Variants in FGF14 observed in about 807,000 individuals in gnomAD.
FGF14 encodes fibroblast growth factor homologous factor 4.
Under a neutral mutation model 25.5 loss-of-function variants are expected in FGF14, and 5 were observed. The observed-to-expected ratio is 0.20, with a 90% CI of 0.10 to 0.41. The LOEUF (loss-of-function observed/expected upper bound fraction) is 0.41. Among genes scored for constraint, FGF14 ranks in the 10% least tolerant of loss-of-function variants. FGF14 has a pLI of 1.00. For synonymous variants in FGF14, 138 were observed against 118.3 expected, an observed-to-expected ratio of 1.17 and a Z score of -1.08; for missense variants, 222 against 320.1, an observed-to-expected ratio of 0.69 and a Z score of 2.34.
intron 3 of FGF14, among the ~76,000 whole-genome samples, chr13:101,849,287 TA>T (rs2043624921): frequency 6.6e-6 from 1 of 152,050 alleles, no homozygotes; most frequent in Non-Finnish European, 1.5e-5. Context: ...AAAATCACCG[TA>T]AGCGACCGGA....
rs567974126 is a variant in FGF14, at chr13:102,009,305, G to A, written c.209-134009C>T. ...GGGTGGATGGATGGATGGATAAATC[G>A]GTAATAGATATTTACAATATAATAT... On this transcript the variant is annotated intron_variant, in intron 1 of 4. Coordinates refer to the FGF14 transcript ENST00000376131. Among the ~76,000 whole-genome samples, 439 of 152,040 alleles carry A rather than the reference G, an allele frequency of 2.9e-3. 5 individuals carry two copies. Among genetic ancestry groups the A allele is most frequent in the African/African-American group, 9.9e-3 (411 of 41,502 alleles).
intron 3 of FGF14, among the ~76,000 whole-genome samples, chr13:101,859,321 A>C (rs2044288917): frequency 6.6e-6 from 1 of 152,180 alleles, no homozygotes; most frequent in Non-Finnish European, 1.5e-5. Flanking sequence ...TTCTGAGAAA[A>C]GATAGAACTC....
upstream of FGF14, among the ~76,000 whole-genome samples, chr13:101,920,268 T>G (rs947801603): frequency 6.6e-6 from 1 of 152,220 alleles, no homozygotes. Context: ...ATTTTACCTT[T>G]GACGTTATAA....
chr13:102,036,382 G>A (rs1034888711), intron 1 of FGF14, among the ~76,000 whole-genome samples: 22 of 152,084 alleles, frequency 1.4e-4, no homozygotes, highest in African/African-American at 4.8e-4. Context: ...ACAGTTAGAC[G>A]CAGAACTATT....
At chr13:102,387,743 G>T (rs1388367740) in intron 1 of FGF14, among the ~76,000 whole-genome samples, 2 of 151,698 alleles carry the variant, frequency 1.3e-5, no homozygotes, top group African/African-American at 4.8e-5. Context: ...GAGTTTTTGG[G>T]TTTTTTTGAG....
intron 1 of FGF14, among the ~76,000 whole-genome samples, chr13:102,177,848 A>G (rs979727942): frequency 2.0e-5 from 3 of 152,134 alleles, no homozygotes; most frequent in Non-Finnish European, 4.4e-5. Flanking sequence ...TGGTATCACT[A>G]TACTCTTTTA....
intron 1 of FGF14, among the ~76,000 whole-genome samples, chr13:101,964,511 C>T (rs985309787): frequency 6.6e-6 from 1 of 152,026 alleles, no homozygotes; most frequent in African/African-American, 2.4e-5. Context: ...GCCTGACACC[C>T]GTTTTTAGAG....
chr13:102,190,353 G>A (rs965768579), intron 1 of FGF14, among the ~76,000 whole-genome samples: 3 of 152,182 alleles, frequency 2.0e-5, no homozygotes, highest in African/African-American at 4.8e-5. Context: ...TTCTCAGTCT[G>A]AGGCAATTTT....
chr13:102,299,448 C>T (rs2138549339), intron 1 of FGF14, among the ~76,000 whole-genome samples: 1 of 152,248 alleles, frequency 6.6e-6, no homozygotes, highest in Non-Finnish European at 1.5e-5. Context: ...AGAATTTCAG[C>T]GTGTGGCTTG....
At chr13:101,932,459 C>T (rs1057350932) in intron 1 of FGF14, among the ~76,000 whole-genome samples, 11 of 138,016 alleles carry the variant, frequency 8.0e-5, no homozygotes, top group East Asian at 6.8e-4. Context: ...CTTGAATCTG[C>T]GAGTCGGAGG....
At chr13:102,314,052 C>T (rs1304705830) in intron 1 of FGF14, among the ~76,000 whole-genome samples, 1 of 152,144 alleles carries the variant, frequency 6.6e-6, no homozygotes, top group Non-Finnish European at 1.5e-5. Context: ...ATGCACCTCA[C>T]TACTTCAGGG....
At chr13:102,076,953 A>G (rs2043392339) in intron 1 of FGF14, among the ~76,000 whole-genome samples, 1 of 152,198 alleles carries the variant, frequency 6.6e-6, no homozygotes, top group Admixed American at 6.5e-5. Context: ...TCAATGGAAC[A>G]GAATATAGAG....
At chr13:102,108,099 T>C (rs1343576303) in intron 1 of FGF14, among the ~76,000 whole-genome samples, 1 of 152,238 alleles carries the variant, frequency 6.6e-6, no homozygotes, top group Non-Finnish European at 1.5e-5. Flanking sequence ...AGTCATTAAA[T>C]AGGAGTTTAG....
At chr13:102,254,445 C>T (rs538002134) in intron 1 of FGF14, among the ~76,000 whole-genome samples, 15 of 152,104 alleles carry the variant, frequency 9.9e-5, no homozygotes, top group African/African-American at 2.9e-4. Flanking sequence ...AGCTTCCAGG[C>T]GAGTCCAGGA....
chr13:102,111,757 T>G (rs2045239490), intron 1 of FGF14, among the ~76,000 whole-genome samples: 1 of 135,214 alleles, frequency 7.4e-6, no homozygotes, highest in Non-Finnish European at 1.5e-5. Context: ...TACAAAGAAT[T>G]TTGTAGGCCA....
At chr13:102,279,735 C>G (rs770317447) in intron 1 of FGF14, among the ~76,000 whole-genome samples, 7 of 152,106 alleles carry the variant, frequency 4.6e-5, no homozygotes, top group Non-Finnish European at 1.0e-4. Flanking sequence ...AAATTGAACC[C>G]TTCTTGGAAA....
intron 3 of FGF14, among the ~76,000 whole-genome samples, chr13:101,736,417 T>G (rs964964237): frequency 6.6e-6 from 1 of 152,218 alleles, no homozygotes; most frequent in African/African-American, 2.4e-5. Flanking sequence ...TAAACTTCTA[T>G]AGAAATTTAA....
chr13:102,225,027 G>A (rs1317075881), intron 1 of FGF14, among the ~76,000 whole-genome samples: 1 of 152,088 alleles, frequency 6.6e-6, no homozygotes, highest in Non-Finnish European at 1.5e-5. Context: ...GAGGGTCACA[G>A]TCGCAGCCTC....
At chr13:102,025,406 A>C (rs946544985) in intron 1 of FGF14, among the ~76,000 whole-genome samples, 7 of 151,968 alleles carry the variant, frequency 4.6e-5, no homozygotes, top group Admixed American at 4.6e-4. Context: ...CTCTCAGTGA[A>C]CAAGTATTGT....
Sources: allele counts gnomAD v4.1 joint callset (sites outside exome capture counted in the v4.1 genomes callset), GRCh38; gene constraint gnomAD v4.1.1; transcripts MANE v1.5; gene names NCBI Gene and HGNC (gene_info 2026-07-23, HGNC 2026-07-21).